Variants in BTBD16 observed in about 807,000 individuals in gnomAD.
BTBD16 encodes the protein BTB domain containing 16.
Under a neutral mutation model 67.4 loss-of-function variants are expected in BTBD16, and 66 were observed. The ratio of observed to expected loss-of-function variants is 0.98; its 90% CI spans 0.80 to 1.20. BTBD16 has a LOEUF of 1.20. Ranked by LOEUF, BTBD16 falls within the 50% of genes most tolerant of loss-of-function variation. BTBD16 has a pLI of 0.00. For synonymous variants in BTBD16, 242 were observed against 236.4 expected, an observed-to-expected ratio of 1.02 and a Z score of -0.22; for missense variants, 634 against 616.0, an observed-to-expected ratio of 1.03 and a Z score of -0.31.
chr10:122,306,562 C>T (rs1295901083), intron 9 of BTBD16, among the ~76,000 whole-genome samples: 1 of 152,162 alleles, frequency 6.6e-6, no homozygotes, highest in East Asian at 1.9e-4. Context: ...TGCCCTATAC[C>T]CAGGTCTGAG....
intron 9 of BTBD16, among the ~76,000 whole-genome samples, chr10:122,304,797 C>T (rs2096400647): frequency 6.6e-6 from 1 of 152,090 alleles, no homozygotes; most frequent in South Asian, 2.1e-4. Context: ...TCGTGATCTG[C>T]CCGCCTCGGC....
At position 122,338,089 on chromosome 10, in the gene BTBD16, T is replaced by C. The variant is rs1368613912; in HGVS notation, c.*4T>C. ...ATTCATCTTCCCAGCATCTTGACAG[T>C]TTCCAGAAGAATCTATGGGATTTTC... On this transcript the variant is annotated 3_prime_UTR_variant, in exon 16 of 16. Coordinates refer to ENST00000260723, the MANE Select transcript of BTBD16 (RefSeq NM_144587.5). 14 of 1,589,194 alleles carry C rather than the reference T, an allele frequency of 8.8e-6. No individual in the cohort carries two copies. The highest frequency in any genetic ancestry group is 1.0e-5 in the Non-Finnish European group (12 of 1,157,646).
intron 3 of BTBD16, among the ~76,000 whole-genome samples, chr10:122,278,087 G>T (rs1369260303): frequency 1.3e-5 from 2 of 152,188 alleles, no homozygotes; most frequent in Non-Finnish European, 2.9e-5. Context: ...CTTTTCCGTT[G>T]CCGAGTTCCT....
intron 10 of BTBD16, among the ~76,000 whole-genome samples, chr10:122,314,613 G>A (rs983180610): frequency 6.6e-6 from 1 of 152,154 alleles, no homozygotes; most frequent in African/African-American, 2.4e-5. Flanking sequence ...TATAATGTTT[G>A]CTGACTCTAT....
chr10:122,330,332 GA>G (rs1287739223), intron 11 of BTBD16, among the ~76,000 whole-genome samples: 2 of 151,924 alleles, frequency 1.3e-5, no homozygotes, highest in East Asian at 1.9e-4. Context: ...AAAGTTTGGG[GA>G]AAAAAATAAA....
chr10:122,308,054 C>G (rs1287688853), intron 10 of BTBD16, among the ~76,000 whole-genome samples: 1 of 152,220 alleles, frequency 6.6e-6, no homozygotes, highest in African/African-American at 2.4e-5. Flanking sequence ...CCCGCCCTCC[C>G]CCACTCTTTT....
intron 13 of BTBD16, among the ~76,000 whole-genome samples, chr10:122,334,493 C>CTTTT (rs2096460157): frequency 1.1e-5 from 1 of 88,300 alleles, no homozygotes; most frequent in Non-Finnish European, 2.0e-5. Flanking sequence ...CCGTGCCCGG[C>CTTTT]CTTTTTTTTT....
intron 14 of BTBD16, among the ~76,000 whole-genome samples, chr10:122,335,432 G>A (rs975878944): frequency 5.3e-5 from 8 of 152,202 alleles, no homozygotes; most frequent in Admixed American, 2.0e-4. Flanking sequence ...TGACTTCTCC[G>A]TAGTGCTCCT....
chr10:122,326,908 G>A (rs1417541724), intron 10 of BTBD16, among the ~76,000 whole-genome samples: 2 of 152,250 alleles, frequency 1.3e-5, no homozygotes, highest in Admixed American at 6.5e-5. Context: ...AACCATGCCA[G>A]TCTTTGAGTC....
At chr10:122,281,001 C>A (rs1364901141) in intron 3 of BTBD16, among the ~76,000 whole-genome samples, 1 of 152,054 alleles carries the variant, frequency 6.6e-6, no homozygotes, top group East Asian at 1.9e-4. Flanking sequence ...GAGATGGGGT[C>A]TCTCTATGTT....
chr10:122,336,547 C>T lies in BTBD16; in HGVS notation c.1317C>T (p.His439=), dbSNP rs139269016. 4.8e-5 allele frequency: 78 copies of T among 1,612,206 alleles called. No individual in the cohort carries two copies. Among genetic ancestry groups the T allele is most frequent in the South Asian group, 2.4e-4 (22 of 90,754 alleles). The change falls in exon 15 of 16, where the codon CAC becomes CAT. Residue 439 remains histidine, a synonymous_variant. Coordinates refer to ENST00000260723, the MANE Select transcript of BTBD16 (RefSeq NM_144587.5). Reference sequence around the variant, plus strand: ...CCTCTGCGGTCTACGAGCACAACCACGTCAGCCTGCGAGCGGCACGCCTGG... The same window carrying T: ...CCTCTGCGGTCTACGAGCACAACCATGTCAGCCTGCGAGCGGCACGCCTGG... ...ESPSAVYEHN[H]VSLRAARLVK... is the part of the protein sequence containing the mutation.
At chr10:122,317,383 C>T (rs978705291) in intron 10 of BTBD16, among the ~76,000 whole-genome samples, 6 of 152,068 alleles carry the variant, frequency 3.9e-5, no homozygotes, top group African/African-American at 1.4e-4. Flanking sequence ...TGTGGTGGCT[C>T]ATGCCTGTAA....
intron 10 of BTBD16, among the ~76,000 whole-genome samples, chr10:122,319,032 T>C (rs887988304): frequency 5.3e-5 from 8 of 152,234 alleles, no homozygotes; most frequent in Non-Finnish European, 1.2e-4. Flanking sequence ...TTATCTTCTT[T>C]AGTGAAAAGT....
intron 10 of BTBD16, among the ~76,000 whole-genome samples, chr10:122,315,012 T>C (rs988496734): frequency 8.5e-5 from 13 of 152,222 alleles, no homozygotes; most frequent in Non-Finnish European, 1.6e-4. Context: ...TGATGTTTGC[T>C]GTGGGTTTGG....
chr10:122,295,015 C>G (rs927782092), intron 7 of BTBD16, among the ~76,000 whole-genome samples: 1 of 152,248 alleles, frequency 6.6e-6, no homozygotes, highest in South Asian at 2.1e-4. Context: ...CCTCTGCTGA[C>G]CGGTGAGGCC....
At position 122,297,809 on chromosome 10, in the gene BTBD16, T is replaced by C; in HGVS notation, c.632T>C (p.Ile211Thr). Residue 211 changes from isoleucine (I) to threonine (T), a missense_variant, in exon 8 of 16, where the codon ATC (isoleucine) becomes ACC (threonine). Ile to Thr is a moderately conservative substitution (Grantham distance 89, BLOSUM62 -1). Coordinates refer to ENST00000260723, the MANE Select transcript of BTBD16 (RefSeq NM_144587.5). ...ATAGCCAGACTCAAGCCAAGCACCATCAAGAAATTCTACGAGGCCGGCTGC... is the reference window on the plus strand; with the variant it reads ...ATAGCCAGACTCAAGCCAAGCACCACCAAGAAATTCTACGAGGCCGGCTGC... ...VMIARLKPST[I>T]KKFYEAGCKY... 1 of 1,614,148 alleles carries C rather than the reference T, an allele frequency of 6.2e-7. No homozygotes were observed. The highest frequency in any genetic ancestry group is 8.5e-7 in the Non-Finnish European group (1 of 1,180,018).
rs1045659824 is a variant in BTBD16, at chr10:122,284,405, C to T, written c.241+481C>T. Among the ~76,000 whole-genome samples the T allele has an allele frequency of 2.0e-4, 31 of 151,774 alleles. 2 individuals carry two copies. The highest frequency in any genetic ancestry group is 7.4e-5 in the Non-Finnish European group (5 of 67,982). ...AGGAGGTTGCAGTGAGCCAAGACTG[C>T]ACCACTGCACTCCAGCCTGGGTGAC... On this transcript the variant is annotated intron_variant, in intron 4 of 15. Transcript: ENST00000260723.
At chr10:122,301,801 C>G (rs1267710655) in intron 9 of BTBD16, among the ~76,000 whole-genome samples, 1 of 152,152 alleles carries the variant, frequency 6.6e-6, no homozygotes, top group Non-Finnish European at 1.5e-5. Flanking sequence ...TCCCCACCAC[C>G]CCACGTGGTG....
At chr10:122,281,028 A>G (rs920954725) in intron 3 of BTBD16, among the ~76,000 whole-genome samples, 3 of 152,122 alleles carry the variant, frequency 2.0e-5, no homozygotes, top group African/African-American at 4.8e-5. Context: ...GCTGGTCTCA[A>G]ACTCCCGGGC....
Sources: allele counts gnomAD v4.1 joint callset (sites outside exome capture counted in the v4.1 genomes callset), GRCh38; gene constraint gnomAD v4.1.1; transcripts MANE v1.5; gene names NCBI Gene and HGNC (gene_info 2026-07-23, HGNC 2026-07-21).